Variants in PDZRN4 observed in about 807,000 individuals in gnomAD.
The protein encoded by PDZRN4 is PDZ domain containing ring finger 4, also known as PDZ domain-containing RING finger protein 4.
A neutral mutation model predicts 99.0 loss-of-function variants in PDZRN4; 70 were observed. The ratio of observed to expected loss-of-function variants is 0.71; its 90% CI spans 0.58 to 0.86. The LOEUF is 0.86. PDZRN4 is among the 40% of genes least tolerant of loss of function. The pLI is 0.00. For missense variants in PDZRN4, 1,474 were observed against 1,331.2 expected (o/e 1.11, Z -1.67); for synonymous variants, 551 against 501.6 (o/e 1.10, Z -1.32).
chr12:41,557,426 C>T (rs563586776), intron 7 of PDZRN4, among the ~76,000 whole-genome samples: 37 of 152,112 alleles, frequency 2.4e-4, no homozygotes, highest in Admixed American at 3.3e-4. Context: ...TTTTGGAATC[C>T]GAAAACCAGG....
intron 3 of PDZRN4, among the ~76,000 whole-genome samples, chr12:41,384,590 G>A (rs1306884131): frequency 6.6e-6 from 1 of 152,100 alleles, no homozygotes; most frequent in Non-Finnish European, 1.5e-5. Flanking sequence ...TTACTTCCTA[G>A]GACAGCACAT....
At chr12:41,191,406 T>G in intron 1 of PDZRN4, 52 bp from the exon 2 acceptor site, 2 of 888,954 alleles carry the variant, frequency 2.2e-6, no homozygotes, top group Non-Finnish European at 3.6e-6. Context: ...GTAGGATTTA[T>G]TTTTCTTTTA....
chr12:41,383,785 GAC>G (rs1413390071), intron 3 of PDZRN4, among the ~76,000 whole-genome samples: 2 of 152,106 alleles, frequency 1.3e-5, no homozygotes, highest in East Asian at 3.9e-4. Context: ...GACTAATGCA[GAC>G]ACCAGAATGT....
chr12:41,379,714 T>G (rs1195336632), intron 3 of PDZRN4, among the ~76,000 whole-genome samples: 1 of 151,996 alleles, frequency 6.6e-6, no homozygotes, highest in Non-Finnish European at 1.5e-5. Context: ...CAAAAAGTAC[T>G]TGATTTTTTT....
intron 3 of PDZRN4, among the ~76,000 whole-genome samples, chr12:41,332,925 C>A (rs1472707778): frequency 6.6e-6 from 1 of 151,990 alleles, no homozygotes; most frequent in Non-Finnish European, 1.5e-5. Context: ...TTGCATGGAT[C>A]CACCCATTCC....
At chr12:41,379,456 G>A (rs11180870) in intron 3 of PDZRN4, among the ~76,000 whole-genome samples, 4 of 151,146 alleles carry the variant, frequency 2.6e-5, no homozygotes, top group African/African-American at 7.3e-5. Flanking sequence ...TATAAAATTA[G>A]ATTGCTTATT....
intron 3 of PDZRN4, among the ~76,000 whole-genome samples, chr12:41,498,373 C>A (rs113298628): frequency 0.012 from 1,783 of 152,194 alleles, 30 homozygotes; most frequent in African/African-American, 0.041. Flanking sequence ...ACATACTGGG[C>A]AATTTATAAT....
At chr12:41,466,759 T>A (rs915336865) in intron 3 of PDZRN4, among the ~76,000 whole-genome samples, 1 of 151,766 alleles carries the variant, frequency 6.6e-6, no homozygotes, top group African/African-American at 2.4e-5. Flanking sequence ...GTGTTTTTTT[T>A]TTTTTTTTTG....
intron 3 of PDZRN4, among the ~76,000 whole-genome samples, chr12:41,473,034 G>C (rs1310717484): frequency 6.6e-6 from 1 of 152,002 alleles, no homozygotes; most frequent in South Asian, 2.1e-4. Context: ...TTTCAGAACA[G>C]AAAAGACAAA....
At chr12:41,464,561 A>G (rs530051029) in intron 3 of PDZRN4, among the ~76,000 whole-genome samples, 1 of 152,316 alleles carries the variant, frequency 6.6e-6, no homozygotes, top group East Asian at 1.9e-4. Flanking sequence ...TTTTTGGCAT[A>G]AAATTTTAGT....
rs534737093 is a variant in PDZRN4 at position 41,397,525 on chromosome 12, T to C, written c.844-108931T>C. Among the ~76,000 whole-genome samples the C allele has an allele frequency of 1.4e-4, 21 of 152,274 alleles. No homozygotes were observed. In the South Asian group the frequency reaches 4.1e-3, roughly 30 times the overall value. The stretch of plus-strand genomic sequence containing the variant: ...TTCATTTGGCAGATAAAATAACCAC[T>C]TTTCCAGTCTTAATTAGAGTTTCGT... On this transcript the variant is annotated intron_variant, in intron 3 of 9. Transcript: ENST00000402685.
chr12:41,359,800 G>A (rs7979586), intron 3 of PDZRN4, among the ~76,000 whole-genome samples: 72,042 of 151,758 alleles, frequency 0.47, 17,885 homozygotes, highest in Middle Eastern at 0.65. Flanking sequence ...TATTAGCAGC[G>A]TGAGAACGGA....
At chr12:41,442,751 C>A (rs1331411125) in intron 3 of PDZRN4, among the ~76,000 whole-genome samples, 1 of 152,036 alleles carries the variant, frequency 6.6e-6, no homozygotes, top group African/African-American at 2.4e-5. Context: ...GGCAAGGGTA[C>A]AAAGGAATGT....
At chr12:41,212,379 A>G (rs1950894124) in intron 3 of PDZRN4, among the ~76,000 whole-genome samples, 1 of 151,904 alleles carries the variant, frequency 6.6e-6, no homozygotes, top group Non-Finnish European at 1.5e-5. Flanking sequence ...TTTCCCTACT[A>G]TTTTTATTTA....
At chr12:41,392,879 T>C (rs1004441790) in intron 3 of PDZRN4, among the ~76,000 whole-genome samples, 3 of 152,194 alleles carry the variant, frequency 2.0e-5, no homozygotes, top group Non-Finnish European at 4.4e-5. Context: ...AAGTTTATAA[T>C]TAGCCTTGAG....
intron 5 of PDZRN4, among the ~76,000 whole-genome samples, chr12:41,523,389 A>G (rs1441483467): frequency 6.6e-6 from 1 of 152,124 alleles, no homozygotes; most frequent in East Asian, 1.9e-4. Flanking sequence ...ACATGGGAAC[A>G]TTCACGTGGA....
At chr12:41,491,313 G>A (rs1048072344) in intron 3 of PDZRN4, among the ~76,000 whole-genome samples, 3 of 152,098 alleles carry the variant, frequency 2.0e-5, no homozygotes, top group Non-Finnish European at 4.4e-5. Context: ...ATGAGGTCAG[G>A]AAATTGAGAC....
At chr12:41,417,086 A>G (rs1952451618) in intron 3 of PDZRN4, among the ~76,000 whole-genome samples, 2 of 152,244 alleles carry the variant, frequency 1.3e-5, no homozygotes, top group Admixed American at 6.5e-5. Flanking sequence ...AATGTTCAGA[A>G]GAATTCCATA....
At chr12:41,287,661 T>G (rs995427315) in intron 3 of PDZRN4, among the ~76,000 whole-genome samples, 2 of 152,188 alleles carry the variant, frequency 1.3e-5, no homozygotes, top group Non-Finnish European at 2.9e-5. Context: ...CTTCACCATC[T>G]GAGGCAAGAA....
Sources: gnomAD v4.1 joint callset for allele counts (sites outside exome capture counted in the v4.1 genomes callset) on GRCh38, gnomAD v4.1.1 for gene constraint, MANE v1.5 for transcripts, NCBI Gene and HGNC (gene_info 2026-07-23, HGNC 2026-07-21) for gene names.